The following RANBP2 variants were observed in gnomAD, a reference collection of about 807,000 sequenced individuals.
RANBP2 encodes the protein E3 SUMO-protein ligase RanBP2.
Under a neutral mutation model 303.6 loss-of-function variants are expected in RANBP2, and 57 were observed. The ratio of observed to expected loss-of-function variants is 0.19; its 90% CI spans 0.15 to 0.23. The LOEUF is 0.23. Ranked by LOEUF, RANBP2 falls within the 10% of genes least tolerant of loss-of-function variation. The pLI, the probability that RANBP2 is intolerant of heterozygous loss-of-function variation, is 1.00. For missense variants in RANBP2, 3,138 were observed against 3,780.8 expected (o/e 0.83, Z 4.46); for synonymous variants, 1,167 against 1,301.5 (o/e 0.90, Z 2.23).
At chr2:109,249,493 C>CTTTCTTTCTTTCTT in the RANBP2 span, among the ~76,000 whole-genome samples, 1 of 24,116 alleles carries the variant, frequency 4.1e-5, no homozygotes, top group Non-Finnish European at 6.3e-5. Flanking sequence ...TTCTTTCTTT[C>CTTTCTTTCTTTCTT]TTTCTTTCTT....
the RANBP2 span, among the ~76,000 whole-genome samples, chr2:109,218,952 G>T: frequency 6.6e-6 from 1 of 152,206 alleles, no homozygotes; most frequent in African/African-American, 2.4e-5. Flanking sequence ...TTGTAGAGGG[G>T]TGTGTCTCTC....
chr2:109,057,486 A>G, the RANBP2 span, among the ~76,000 whole-genome samples: 1 of 152,206 alleles, frequency 6.6e-6, no homozygotes, highest in Non-Finnish European at 1.5e-5. Flanking sequence ...AGCAGCGAGC[A>G]GATTGCGGAG....
At chr2:109,739,844 C>G in the RANBP2 span, among the ~76,000 whole-genome samples, 1 of 149,916 alleles carries the variant, frequency 6.7e-6, no homozygotes, top group Non-Finnish European at 1.5e-5. Flanking sequence ...CAGTACAATA[C>G]TAGCTGTGAG....
intron 7 of RANBP2, among the ~76,000 whole-genome samples, chr2:108,743,600 G>A (rs962812059): frequency 2.0e-5 from 3 of 152,184 alleles, no homozygotes; most frequent in African/African-American, 7.2e-5. Flanking sequence ...ATAATAAAAA[G>A]TTAGTTTCCC....
chr2:109,704,294 A>C, the RANBP2 span, among the ~76,000 whole-genome samples: 128 of 152,312 alleles, frequency 8.4e-4, no homozygotes, highest in African/African-American at 2.9e-3. Flanking sequence ...TCATGCCTGT[A>C]ATCCTAACAC....
the RANBP2 span, chr2:109,568,115 T>A: frequency 1.6e-6 from 1 of 636,632 alleles, no homozygotes; most frequent in Non-Finnish European, 2.7e-6. Context: ...CTACGGTCCA[T>A]CTCGCTGTTG....
Position 108,771,841 on chromosome 2 carries a change from C to T in RANBP2, c.7990C>T (p.Pro2664Ser), listed in dbSNP as rs954940413. ...PPTFFCYKNR[P>S]DYVSEEEEDD... ...AACTTTCTTCTGCTACAAGAATAGA[C>T]CAGATTATGTTAGTGAAGAAGAGGA... The change falls in exon 21 of 29, where the codon CCA (proline) becomes TCA (serine). Residue 2664 changes from proline (P) to serine (S), a missense_variant. Coordinates refer to ENST00000283195, the MANE Select transcript of RANBP2 (RefSeq NM_006267.5). The T allele has an allele frequency of 5.0e-6, 8 of 1,613,868 alleles. No homozygotes were observed. In the African/African-American group the frequency reaches 6.7e-5, roughly 13 times the overall value.
chr2:109,112,094 C>A, the RANBP2 span, among the ~76,000 whole-genome samples: 4 of 151,484 alleles, frequency 2.6e-5, no homozygotes, highest in Non-Finnish European at 5.9e-5. Context: ...AATAAACATA[C>A]GTGTGCATGT....
At chr2:109,302,931 C>T in the RANBP2 span, among the ~76,000 whole-genome samples, 4 of 152,132 alleles carry the variant, frequency 2.6e-5, no homozygotes, top group Admixed American at 6.5e-5. Flanking sequence ...GGCTGGAGTG[C>T]AGTGGCATGA....
the RANBP2 span, among the ~76,000 whole-genome samples, chr2:109,156,987 A>G: frequency 2.2e-4 from 34 of 152,248 alleles, no homozygotes; most frequent in Non-Finnish European, 4.1e-4. Flanking sequence ...TTTCCCTCTG[A>G]AATCACACAT....
chr2:108,816,100 G>T, the RANBP2 span: 3 of 1,598,312 alleles, frequency 1.9e-6, no homozygotes, highest in Non-Finnish European at 2.6e-6. Context: ...GGAGAAGTGT[G>T]TAAAGGTTTG....
the RANBP2 span, among the ~76,000 whole-genome samples, chr2:109,691,405 G>T: frequency 6.6e-6 from 1 of 152,122 alleles, no homozygotes; most frequent in Non-Finnish European, 1.5e-5. Flanking sequence ...GTTGGACCGG[G>T]GCCTGGTGGG....
chr2:109,330,477 C>T, the RANBP2 span, among the ~76,000 whole-genome samples: 1 of 152,072 alleles, frequency 6.6e-6, no homozygotes, highest in Non-Finnish European at 1.5e-5. Flanking sequence ...ATCTTCCTTA[C>T]GAACTTTGTA....
the RANBP2 span, among the ~76,000 whole-genome samples, chr2:109,452,844 C>G: frequency 2.1e-5 from 3 of 145,258 alleles, no homozygotes; most frequent in African/African-American, 7.8e-5. Flanking sequence ...GGAGGCTGGT[C>G]CCTGGGAGGC....
chr2:108,746,208 C>CTTTTTT (rs35544546), intron 7 of RANBP2, among the ~76,000 whole-genome samples: 12 of 90,556 alleles, frequency 1.3e-4, no homozygotes, highest in African/African-American at 3.8e-4. Context: ...ATGTCTGGCC[C>CTTTTTT]TTTTTTTTTT....
chr2:108,935,037 T>G, the RANBP2 span, among the ~76,000 whole-genome samples: 1 of 152,200 alleles, frequency 6.6e-6, no homozygotes, highest in Non-Finnish European at 1.5e-5. Flanking sequence ...CGTCACCTGT[T>G]GGTTACCTAG....
chr2:109,223,658 A>G, the RANBP2 span, among the ~76,000 whole-genome samples: 1 of 152,042 alleles, frequency 6.6e-6, no homozygotes, highest in Non-Finnish European at 1.5e-5. Context: ...GCACCTCTCC[A>G]TGGCTCTCCC....
intron 6 of RANBP2, 27 bp downstream of exon 6, chr2:108,736,276 T>C: frequency 6.2e-7 from 1 of 1,611,938 alleles, no homozygotes; most frequent in South Asian, 1.1e-5. Flanking sequence ...AAGAATGCTT[T>C]AGTATAAATT....
chr2:109,104,401 A>T, the RANBP2 span, among the ~76,000 whole-genome samples: 1 of 151,434 alleles, frequency 6.6e-6, no homozygotes, highest in African/African-American at 2.4e-5. Flanking sequence ...ACAGTTTTTC[A>T]GGTTTCTTTG....
Sources: allele counts gnomAD v4.1 joint callset (sites outside exome capture counted in the v4.1 genomes callset), GRCh38; gene constraint gnomAD v4.1.1; transcripts MANE v1.5; gene names NCBI Gene and HGNC (gene_info 2026-07-23, HGNC 2026-07-21).